AP2B1: variants seen among roughly 807,000 people sequenced by gnomAD.
The protein encoded by AP2B1 is AP-2 complex subunit beta.
In AP2B1, 23 loss-of-function variants were observed where a neutral mutation model predicts 102.0. That is an observed-to-expected ratio of 0.23 (90% CI 0.16 to 0.32). The LOEUF (loss-of-function observed/expected upper bound fraction) is 0.32, where lower values mean the gene tolerates loss of function less well. Ranked by LOEUF, AP2B1 falls within the 10% of genes least tolerant of loss-of-function variation. AP2B1 has a pLI of 1.00. For missense variants in AP2B1, 541 were observed against 1,157.4 expected (o/e 0.47, Z 7.73); for synonymous variants, 381 against 421.2 (o/e 0.90, Z 1.17).
At chr17:35,625,458 G>A (rs2074289030) in intron 6 of AP2B1, among the ~76,000 whole-genome samples, 1 of 152,074 alleles carries the variant, frequency 6.6e-6, no homozygotes, top group South Asian at 2.1e-4. Context: ...TAACTTTACT[G>A]AGAATTTTAT....
At chr17:35,664,526 G>A (rs2075422052) in intron 14 of AP2B1, among the ~76,000 whole-genome samples, 2 of 152,082 alleles carry the variant, frequency 1.3e-5, no homozygotes, top group Non-Finnish European at 2.9e-5. Flanking sequence ...TGTCCTTTTG[G>A]TGATAATTTT....
At chr17:35,629,197 C>T (rs2074398363) in intron 9 of AP2B1, among the ~76,000 whole-genome samples, 2 of 152,214 alleles carry the variant, frequency 1.3e-5, no homozygotes, top group Admixed American at 1.3e-4. Flanking sequence ...ATCCGCCTGC[C>T]TCAGCCTCCC....
At chr17:35,688,315 G>T (rs769789304) in intron 18 of AP2B1, among the ~76,000 whole-genome samples, 9 of 152,256 alleles carry the variant, frequency 5.9e-5, no homozygotes, top group Non-Finnish European at 1.3e-4. Context: ...ACTAGGTTAG[G>T]AATCATTTTC....
chr17:35,605,341 C>G (rs951646498), intron 3 of AP2B1, among the ~76,000 whole-genome samples: 8 of 151,896 alleles, frequency 5.3e-5, no homozygotes, highest in African/African-American at 1.9e-4. Context: ...CTCTGCCTCC[C>G]AGGTTCAAAC....
At chr17:35,602,881 A>T (rs2073536504) in intron 3 of AP2B1, among the ~76,000 whole-genome samples, 1 of 151,980 alleles carries the variant, frequency 6.6e-6, no homozygotes, top group Non-Finnish European at 1.5e-5. Context: ...ACTATTTAGG[A>T]TCTTGAATTT....
At chr17:35,663,870 A>G (rs2075407228) in intron 14 of AP2B1, among the ~76,000 whole-genome samples, 1 of 152,114 alleles carries the variant, frequency 6.6e-6, no homozygotes, top group African/African-American at 2.4e-5. Flanking sequence ...ATTCATGAAG[A>G]AAAGAGACTG....
chr17:35,603,773 T>A (rs2073567526), intron 3 of AP2B1, among the ~76,000 whole-genome samples: 1 of 152,218 alleles, frequency 6.6e-6, no homozygotes, highest in Admixed American at 6.5e-5. Flanking sequence ...TGAAGTGCTT[T>A]GAAACTGTAG....
intron 10 of AP2B1, 23 bp downstream of exon 10, chr17:35,636,479 C>T (rs545247814): frequency 2.6e-6 from 4 of 1,564,746 alleles, no homozygotes; most frequent in African/African-American, 1.4e-5. Flanking sequence ...ACCTTTACCC[C>T]TCTTTCTCAA....
At chr17:35,692,668 G>C in intron 18 of AP2B1, among the ~76,000 whole-genome samples, 1 of 151,958 alleles carries the variant, frequency 6.6e-6, no homozygotes, top group East Asian at 1.9e-4. Context: ...GGGGAAGAAA[G>C]TACATTATTC....
At chr17:35,608,827 AT>A (rs2073771614) in intron 5 of AP2B1, among the ~76,000 whole-genome samples, 1 of 152,202 alleles carries the variant, frequency 6.6e-6, no homozygotes, top group Non-Finnish European at 1.5e-5. Context: ...GGGCAAGATT[AT>A]TTTTAGCCAA....
intron 3 of AP2B1, among the ~76,000 whole-genome samples, chr17:35,605,403 C>T (rs1160712241): frequency 6.6e-6 from 1 of 152,112 alleles, no homozygotes; most frequent in African/African-American, 2.4e-5. Flanking sequence ...CATGCACCAC[C>T]ATGCCTGGCT....
chr17:35,662,764 A>G (rs1304050674), intron 14 of AP2B1, among the ~76,000 whole-genome samples: 1 of 152,098 alleles, frequency 6.6e-6, no homozygotes, highest in African/African-American at 2.4e-5. Flanking sequence ...TTTACTTCCA[A>G]TCTGTCAGCA....
intron 3 of AP2B1, among the ~76,000 whole-genome samples, chr17:35,599,015 A>C (rs2073386644): frequency 6.6e-6 from 1 of 152,244 alleles, no homozygotes; most frequent in Non-Finnish European, 1.5e-5. Context: ...AGTGGTGCCA[A>C]CCATAATGGT....
intron 14 of AP2B1, among the ~76,000 whole-genome samples, chr17:35,666,887 G>GCA (rs938323792): frequency 4.6e-5 from 7 of 152,146 alleles, no homozygotes; most frequent in African/African-American, 1.7e-4. Context: ...TGTAATCCCA[G>GCA]CACTTCATGA....
intron 9 of AP2B1, among the ~76,000 whole-genome samples, chr17:35,630,977 T>G (rs181837631): frequency 2.9e-4 from 44 of 152,370 alleles, no homozygotes; most frequent in African/African-American, 1.0e-3. Context: ...AATGATTGCC[T>G]GTTTGCACTA....
At chr17:35,608,516 G>C in intron 5 of AP2B1, 129 bp downstream of exon 5, 1 of 1,135,890 alleles carries the variant, frequency 8.8e-7, no homozygotes, top group Non-Finnish European at 1.3e-6. Context: ...GACTTTGTGT[G>C]TCTCACAGAT....
At chr17:35,672,935 T>G (rs753465709) in intron 16 of AP2B1, among the ~76,000 whole-genome samples, 1 of 152,220 alleles carries the variant, frequency 6.6e-6, no homozygotes, top group Non-Finnish European at 1.5e-5. Context: ...TAGCTGTATA[T>G]TTGTATCCTT....
intron 6 of AP2B1, among the ~76,000 whole-genome samples, chr17:35,626,365 G>A (rs225254): frequency 0.63 from 95,860 of 151,752 alleles, 30,286 homozygotes; most frequent in Non-Finnish European, 0.65. Context: ...GTATTGCTAG[G>A]TTCTTTCCAG....
At chr17:35,606,050 G>A (rs1221634679) in intron 4 of AP2B1, among the ~76,000 whole-genome samples, 1 of 152,190 alleles carries the variant, frequency 6.6e-6, no homozygotes, top group African/African-American at 2.4e-5. Context: ...CAGATGGGTA[G>A]AAGAAAACCT....
Sources: gnomAD v4.1 joint callset for allele counts (sites outside exome capture counted in the v4.1 genomes callset) on GRCh38, gnomAD v4.1.1 for gene constraint, MANE v1.5 for transcripts, NCBI Gene and HGNC (gene_info 2026-07-23, HGNC 2026-07-21) for gene names.